The following SRMS variants were observed in gnomAD, a reference collection of about 807,000 sequenced individuals.
SRMS encodes the protein src-related kinase lacking C-terminal regulatory tyrosine and N-terminal myristylation sites.
A neutral mutation model predicts 43.5 loss-of-function variants in SRMS; 42 were observed. That is an observed-to-expected ratio of 0.97 (90% CI 0.75 to 1.25). SRMS has a LOEUF of 1.25. Ranked by LOEUF, SRMS falls within the 50% of genes most tolerant of loss-of-function variation. The probability of loss-of-function intolerance (pLI) is 0.00; values close to 1 mark genes in which losing one functional copy is unlikely to be tolerated. For missense variants in SRMS, 703 were observed against 681.0 expected (o/e 1.03, Z -0.36); for synonymous variants, 316 against 308.2 (o/e 1.03, Z -0.27).
At position 63,540,997 on chromosome 20, in the gene SRMS, T is replaced by A; in HGVS notation, c.1288A>T (p.Met430Leu). The change falls in exon 8 of 8, where the codon ATG becomes TTG. Residue 430 changes from methionine to leucine, a missense_variant and splice_region_variant. Physicochemically the swap from Met to Leu is conservative, Grantham distance 15. Transcript: ENST00000217188. ...TGCTGCAGCGTCTCGTGGTTGGTCATCCCTGGGAGGCGCGGGGCAAGAGCT... is the reference window on the plus strand; with the variant it reads ...TGCTGCAGCGTCTCGTGGTTGGTCAACCCTGGGAGGCGCGGGGCAAGAGCT... ...FTYGQCPYEG[M>L]TNHETLQQIM... 1 of 1,608,776 alleles carries A rather than the reference T, an allele frequency of 6.2e-7. No homozygotes were observed. Among genetic ancestry groups the A allele is most frequent in the Non-Finnish European group, 8.5e-7 (1 of 1,179,400 alleles).
chr20:63,545,170 G>C (rs568372425), intron 1 of SRMS, among the ~76,000 whole-genome samples: 2 of 152,290 alleles, frequency 1.3e-5, no homozygotes, highest in Non-Finnish European at 2.9e-5. Flanking sequence ...CCCTGTCCAG[G>C]TGGGCCGCCC....
chr20:63,547,263 G>T lies in SRMS; in HGVS notation c.201C>A (p.Gly67=), dbSNP rs35154205. ...LALYDFTARC[G]GELSVRRGDR... is the part of the protein sequence containing the mutation. ...CCCCGCGGCGGACACTCAGCTCCCC[G>T]CCACACCGCGCCGTGAAGTCATAGA... is the stretch of plus-strand genomic sequence containing the variant. Residue 67 remains glycine, a synonymous_variant, in exon 1 of 8, where the codon GGC becomes GGA. Coordinates refer to ENST00000217188, the MANE Select transcript of SRMS (RefSeq NM_080823.4). 6.2e-7 allele frequency: 1 copy of T among 1,610,262 alleles called. No homozygotes were observed. The highest frequency in any genetic ancestry group is 1.3e-5 in the African/African-American group (1 of 74,860).
chr20:63,542,540 T>C lies in SRMS; in HGVS notation c.687A>G (p.Glu229=). 6.2e-7 allele frequency: 1 copy of C among 1,612,530 alleles called. No homozygotes were observed. Among genetic ancestry groups the C allele is most frequent in the South Asian group, 1.1e-5 (1 of 91,074 alleles). ...CACCCAGCTTCCTCCCAAGGGCGAA[T>C]TCGGAGTGTGGCCGCTCCCACACGT... is the stretch of plus-strand genomic sequence containing the variant. ...RQDVWERPHS[E]FALGRKLGEG... is the part of the protein sequence containing the mutation. The change falls in exon 4 of 8, where the codon GAA becomes GAG. Residue 229 remains glutamate (E), a synonymous_variant. Transcript: ENST00000217188.
rs1374903293 is a variant in SRMS, at chr20:63,538,716, A to AGGGGGGGG, written c.*2101_*2102insCCCCCCCC. ...GGTCGGTTGGGGAGGATGCAGGGGG[A>AGGGGGGGG]GGGGTGGGGGGTGGGGAATGCGGAA... On this transcript the variant is annotated 3_prime_UTR_variant, in exon 8 of 8. Coordinates refer to ENST00000217188, the MANE Select transcript of SRMS (RefSeq NM_080823.4). 2.2e-4 allele frequency among the ~76,000 whole-genome samples: 2 copies of AGGGGGGGG among 9,302 alleles called. No individual in the cohort carries two copies. The highest frequency in any genetic ancestry group is 4.5e-4 in the African/African-American group (1 of 2,202). 6.1% of individuals were successfully genotyped at this position (9,302 alleles called of 152,430 possible).
At position 63,538,755 on chromosome 20, in the gene SRMS, G is replaced by A. The variant is rs372891965; in HGVS notation, c.*2063C>T. Among the ~76,000 whole-genome samples the A allele has an allele frequency of 1.3e-4, 20 of 152,078 alleles. No homozygotes were observed. Among genetic ancestry groups the A allele is most frequent in the African/African-American group, 4.3e-4 (18 of 41,482 alleles). On this transcript the variant is annotated 3_prime_UTR_variant, in exon 8 of 8. Transcript: ENST00000217188. ...GGGAATGCGGAAGGAGGGTGCCGGG[G>A]CACCTGGCCGGGCAGCGTCCCTCAG...
chr20:63,547,361 C>T lies in SRMS; in HGVS notation c.103G>A (p.Asp35Asn). 1 of 1,580,962 alleles carries T rather than the reference C, an allele frequency of 6.3e-7. No homozygotes were observed. Among genetic ancestry groups the T allele is most frequent in the African/African-American group, 1.4e-5 (1 of 73,916 alleles). Residue 35 changes from aspartate (D) to asparagine (N), a missense_variant, in exon 1 of 8, where the codon GAC (aspartate) becomes AAC (asparagine). Coordinates refer to ENST00000217188, the MANE Select transcript of SRMS (RefSeq NM_080823.4). ...GTGGGCACTGGGTCAGTGTTGGGGT[C>T]CAGGGACCCGGGGGTGCCATGGTCC... ...EPDHGTPGSLDPNTDPVPTLP... is the reference protein window; with the variant it reads ...EPDHGTPGSLNPNTDPVPTLP...
At position 63,547,381 on chromosome 20, in the gene SRMS, T is replaced by C; in HGVS notation, c.83A>G (p.His28Arg). ...GGGGTCCAGGGACCCGGGGGTGCCA[T>C]GGTCCGGCTCGCCGCCCGCCGGCCA... ...KIWPAGGEPD[H>R]GTPGSLDPNT... The change falls in exon 1 of 8, where the codon CAT becomes CGT. Residue 28 changes from histidine to arginine, a missense_variant. By Grantham distance (29) the His-to-Arg change is conservative (BLOSUM62 0). Coordinates refer to ENST00000217188, the MANE Select transcript of SRMS (RefSeq NM_080823.4). 3 of 1,567,956 alleles carry C rather than the reference T, an allele frequency of 1.9e-6. No homozygotes were observed. The highest frequency in any genetic ancestry group is 2.6e-6 in the Non-Finnish European group (3 of 1,157,036).
At chr20:63,541,745 G>C (rs1233760676) in intron 5 of SRMS, 125 bp from the exon 6 acceptor site, 1 of 1,193,254 alleles carries the variant, frequency 8.4e-7, no homozygotes, top group Non-Finnish European at 1.1e-6. Flanking sequence ...AGGATGGCAT[G>C]GCCGGCTAAG....
In SRMS at chr20:63,539,063, G is replaced by A. The variant is rs2082688767; in HGVS notation, c.*1755C>T. On this transcript the variant is annotated 3_prime_UTR_variant, in exon 8 of 8. Transcript: ENST00000217188. ...GCCAGAGGAGCCCCCAGGCTGCTGT[G>A]CTGGGGACCTGCCAGAACTGGAAGC... Among the ~76,000 whole-genome samples, 1 of 152,108 alleles carries A rather than the reference G, an allele frequency of 6.6e-6. No individual in the cohort carries two copies. The highest frequency in any genetic ancestry group is 1.5e-5 in the Non-Finnish European group (1 of 67,992).
At chr20:63,541,123 G>T (rs1391586123) in intron 7 of SRMS, 68 bp downstream of exon 7, 1 of 1,554,710 alleles carries the variant, frequency 6.4e-7, no homozygotes, top group Non-Finnish European at 8.7e-7. Context: ...TGCCGACAGC[G>T]TCCAGGCCCG....
chr20:63,541,383 G>A, intron 6 of SRMS, 36 bp from the exon 7 acceptor site: 1 of 1,548,876 alleles, frequency 6.5e-7, no homozygotes, highest in Non-Finnish European at 8.7e-7. Flanking sequence ...AGGGCAGGTG[G>A]ACCGGGGTCC....
Position 63,543,390 on chromosome 20 carries a change from A to C in SRMS, c.569T>G (p.Leu190Arg). 5 of 1,612,826 alleles carry C rather than the reference A, an allele frequency of 3.1e-6. No homozygotes were observed. The highest frequency in any genetic ancestry group is 4.2e-6 in the Non-Finnish European group (5 of 1,179,950). Reference protein sequence around the residue: ...YLQKGRLFPGLEELLTYYKAN... With the variant: ...YLQKGRLFPGREELLTYYKAN... ...CTTGTAGTAGGTGAGCAGCTCCTCC[A>C]GGCCGGGAAAGAGCCGTCCCTTCTG... Residue 190 changes from leucine to arginine, a missense_variant, in exon 3 of 8, where the codon CTG becomes CGG. Transcript: ENST00000217188.
At chr20:63,544,488 C>T (rs2082720699) in intron 1 of SRMS, 140 bp from the exon 2 acceptor site, 1 of 1,136,664 alleles carries the variant, frequency 8.8e-7, no homozygotes, top group Admixed American at 4.1e-5. Context: ...ACTTTGAGTC[C>T]CAGCTCAAGG....
At chr20:63,545,424 G>A (rs2082726052) in intron 1 of SRMS, among the ~76,000 whole-genome samples, 1 of 152,148 alleles carries the variant, frequency 6.6e-6, no homozygotes, top group South Asian at 2.1e-4. Flanking sequence ...AAGAAGCAGA[G>A]TGAGCCGGTG....
Position 63,547,475 on chromosome 20 carries a change from A to G in SRMS, c.-12T>C. 6.8e-7 allele frequency: 1 copy of G among 1,473,898 alleles called. No individual in the cohort carries two copies. Among genetic ancestry groups the G allele is most frequent in the South Asian group, 1.4e-5 (1 of 72,682 alleles). 91.3% of individuals were successfully genotyped at this position (1,473,898 alleles called of 1,614,324 possible). A position where few individuals can be genotyped will look rare whatever the true frequency, so the allele number is the denominator to read the frequency against. On this transcript the variant is annotated 5_prime_UTR_variant, in exon 1 of 8. Coordinates refer to ENST00000217188, the MANE Select transcript of SRMS (RefSeq NM_080823.4). ...AGGAACGGCTCCATCCCCCGGGGTC[A>G]CCACGCTGGGCCCGAGGGCCATGGG...
rs2082698413 is a variant in SRMS at position 63,540,761 on chromosome 20, C to T, written c.*57G>A. ...ACCGGCATCCCTTCGAGTTGGCGCT[C>T]TGCAGGGAGGAGGGGCTGGCCTGGC... On this transcript the variant is annotated 3_prime_UTR_variant, in exon 8 of 8. Coordinates refer to ENST00000217188, the MANE Select transcript of SRMS (RefSeq NM_080823.4). The T allele has an allele frequency of 2.0e-6, 3 of 1,533,930 alleles. No individual in the cohort carries two copies. The highest frequency in any genetic ancestry group is 2.6e-6 in the Non-Finnish European group (3 of 1,143,220).
In SRMS at chr20:63,542,384, G is replaced by A. The variant is rs2082709856; in HGVS notation, c.787+56C>T. On this transcript the variant is annotated intron_variant, in intron 4 of 7. Transcript: ENST00000217188. ...CACGAACATCACTGCCCTGGGGCTT[G>A]AGGGTTGGACAGCAGGTGCGGGGCC... is the stretch of plus-strand genomic sequence containing the variant. 4 of 1,597,520 alleles carry A rather than the reference G, an allele frequency of 2.5e-6. No homozygotes were observed. In the African/African-American group the frequency reaches 4.0e-5, roughly 16 times the overall value.
rs144737524 is a variant in SRMS at position 63,547,206 on chromosome 20, G to A, written c.258C>T (p.Gly86=). The change falls in exon 1 of 8, where the codon GGC becomes GGT. Residue 86 remains glycine, a synonymous_variant. Transcript: ENST00000217188. ...DRLCALEEGG[G]YIFARRLSGQ... ...CCGAAAGCCTGCGTGCGAAGATGTA[G>A]CCGCCCCCCTCTTCGAGGGCACAGA... is the stretch of plus-strand genomic sequence containing the variant. 1 of 1,612,286 alleles carries A rather than the reference G, an allele frequency of 6.2e-7. No individual in the cohort carries two copies. Among genetic ancestry groups the A allele is most frequent in the Non-Finnish European group, 8.5e-7 (1 of 1,179,714 alleles).
rs2082690023 is a variant in SRMS at position 63,539,338 on chromosome 20, G to A, written c.*1480C>T. 1.3e-5 allele frequency among the ~76,000 whole-genome samples: 2 copies of A among 152,226 alleles called. No homozygotes were observed. Among genetic ancestry groups the A allele is most frequent in the African/African-American group, 4.8e-5 (2 of 41,452 alleles). ...CTCCGAGTGGCCTCTTCCTTCCCCG[G>A]GGCCACCTGTCTCTGCACACGGGAG... On this transcript the variant is annotated 3_prime_UTR_variant, in exon 8 of 8. Coordinates refer to ENST00000217188, the MANE Select transcript of SRMS (RefSeq NM_080823.4).
Sources: allele counts gnomAD v4.1 joint callset (sites outside exome capture counted in the v4.1 genomes callset), GRCh38; gene constraint gnomAD v4.1.1; transcripts MANE v1.5; gene names NCBI Gene and HGNC (gene_info 2026-07-23, HGNC 2026-07-21).